Variants in SYNE2 observed in about 807,000 individuals in gnomAD.
The protein encoded by SYNE2 is nesprin-2.
SYNE2 carries 431 observed loss-of-function variants against 856.3 expected under a neutral mutation model. The observed-to-expected ratio is 0.50, with a 90% CI of 0.47 to 0.55. The LOEUF is 0.55. Among genes scored for constraint, SYNE2 ranks in the 20% least tolerant of loss-of-function variants. SYNE2 has a pLI of 0.00. For missense variants in SYNE2, 8,129 were observed against 8,023.2 expected (o/e 1.01, Z -0.50); for synonymous variants, 2,923 against 2,872.3 (o/e 1.02, Z -0.56).
chr14:64,077,380 G>A (rs1456244759), intron 54 of SYNE2, among the ~76,000 whole-genome samples: 1 of 32,188 alleles, frequency 3.1e-5, no homozygotes, highest in Non-Finnish European at 7.1e-5. Flanking sequence ...TGGAACCAAA[G>A]TGGGATTTTT....
intron 11 of SYNE2, among the ~76,000 whole-genome samples, chr14:63,976,121 T>C (rs1384281981): frequency 6.6e-6 from 1 of 152,150 alleles, no homozygotes; most frequent in Non-Finnish European, 1.5e-5. Context: ...ATGGTAGAGA[T>C]ATGTCATGTG....
chr14:63,918,948 C>T (rs1000923727), intron 2 of SYNE2, among the ~76,000 whole-genome samples: 29 of 152,190 alleles, frequency 1.9e-4, no homozygotes, highest in African/African-American at 6.5e-4. Context: ...TGCTGTATAT[C>T]TCCGTCTGCC....
rs768422375 is a variant in SYNE2, at chr14:64,224,998, G to C, written c.20470-1G>C. 1 of 1,613,524 alleles carries C rather than the reference G, an allele frequency of 6.2e-7. No individual in the cohort carries two copies. The highest frequency in any genetic ancestry group is 8.5e-7 in the Non-Finnish European group (1 of 1,179,932). On this transcript the variant is annotated splice_acceptor_variant, in intron 114 of 115. Transcript: ENST00000555002. LOFTEE classifies it high-confidence loss of function. ...CTAACTGGAGTTTCTTTACCCAGCA[G>C]TTCAGAGCAGTGAGAACTACAGAAG... is the stretch of plus-strand genomic sequence containing the variant.
chr14:64,100,531 A>AAAAATATATATATAT (rs1491537041), intron 63 of SYNE2, among the ~76,000 whole-genome samples: 2 of 39,496 alleles, frequency 5.1e-5, no homozygotes, highest in Non-Finnish European at 9.3e-5. Context: ...AAAAAAAAAA[A>AAAAATATATATATAT]ATATATATAT....
intron 65 of SYNE2, 91 bp downstream of exon 65, chr14:64,107,698 C>G: frequency 2.0e-6 from 2 of 1,010,528 alleles, no homozygotes; most frequent in Non-Finnish European, 3.2e-6. Flanking sequence ...ATACCTTGTA[C>G]GTCAAGCTAA....
At chr14:64,024,572 A>C (rs2096962977) in intron 39 of SYNE2, 113 bp downstream of exon 39, 2 of 1,038,862 alleles carry the variant, frequency 1.9e-6, no homozygotes, top group South Asian at 2.8e-5. Context: ...TTTCACACAC[A>C]AAAGGCGTAC....
intron 1 of SYNE2, among the ~76,000 whole-genome samples, chr14:63,825,384 T>C (rs1001747684): frequency 1.3e-5 from 2 of 152,068 alleles, no homozygotes; most frequent in African/African-American, 4.8e-5. Flanking sequence ...CCAAAACTAA[T>C]GTGTTTACCA....
In SYNE2 at chr14:64,090,885, G is replaced by A. The variant is rs753878618; in HGVS notation, c.11813G>A (p.Arg3938His). The part of the protein sequence containing the change: ...KHGEVILENI[R>H]PMKKTIAEIV... ...ATTAAGGTCATACTTGAAAATATAC[G>A]TCCCATGAAGAAAACCATTGCTGAG... Residue 3938 changes from arginine (R) to histidine (H), a missense_variant, in exon 60 of 116, where the codon CGT becomes CAT. Arg to His is a conservative substitution (Grantham distance 29). Coordinates refer to ENST00000555002, the MANE Select transcript of SYNE2 (RefSeq NM_182914.3). 14 of 1,613,776 alleles carry A rather than the reference G, an allele frequency of 8.7e-6. No homozygotes were observed. The highest frequency in any genetic ancestry group is 3.3e-5 in the Admixed American group (2 of 59,974).
At chr14:64,018,206 G>T (rs1333738131) in intron 34 of SYNE2, among the ~76,000 whole-genome samples, 1 of 152,102 alleles carries the variant, frequency 6.6e-6, no homozygotes, top group Non-Finnish European at 1.5e-5. Context: ...TTGCTCCCGG[G>T]TAGCAATACA....
intron 1 of SYNE2, among the ~76,000 whole-genome samples, chr14:63,763,536 CCT>C (rs1886569064): frequency 6.6e-6 from 1 of 151,664 alleles, no homozygotes; most frequent in Non-Finnish European, 1.5e-5. Context: ...ATGGCGAGAC[CCT>C]GTCTCTATAA....
chr14:64,127,356 C>T (rs1285920240), intron 73 of SYNE2, among the ~76,000 whole-genome samples: 1 of 151,972 alleles, frequency 6.6e-6, no homozygotes, highest in Admixed American at 6.6e-5. Flanking sequence ...AGGTGGATTG[C>T]TTGAGCCCAG....
chr14:63,870,226 C>T, intron 1 of SYNE2, among the ~76,000 whole-genome samples: 1 of 152,106 alleles, frequency 6.6e-6, no homozygotes, highest in African/African-American at 2.4e-5. Flanking sequence ...ATCTACTCTC[C>T]TCCACTCTCC....
At chr14:64,093,519 C>T (rs527500906) in intron 61 of SYNE2, 39 bp downstream of exon 61, 1 of 1,612,948 alleles carries the variant, frequency 6.2e-7, no homozygotes, top group African/African-American at 1.3e-5. Context: ...TTTCATTTGT[C>T]CATCAGTGCA....
At chr14:63,938,195 G>A (rs778824821) in intron 2 of SYNE2, among the ~76,000 whole-genome samples, 32 of 152,282 alleles carry the variant, frequency 2.1e-4, no homozygotes, top group Middle Eastern at 6.8e-3. Flanking sequence ...GATGGCTCAC[G>A]CCTGTAATCC....
chr14:64,112,987 G>C (rs752397909), intron 65 of SYNE2: 1 of 984,974 alleles, frequency 1.0e-6, no homozygotes. Context: ...CATGTGTCAC[G>C]TAACGCTAAA....
chr14:64,136,565 G>C (rs2098091605), intron 78 of SYNE2, among the ~76,000 whole-genome samples: 1 of 152,106 alleles, frequency 6.6e-6, no homozygotes, highest in Admixed American at 6.6e-5. Context: ...GATTAAACAG[G>C]TGTCAGGATA....
At chr14:63,970,790 T>A (rs2096465071) in intron 11 of SYNE2, among the ~76,000 whole-genome samples, 1 of 151,350 alleles carries the variant, frequency 6.6e-6, no homozygotes, top group South Asian at 2.1e-4. Flanking sequence ...GTAGCTGGGA[T>A]TATAGGCATC....
chr14:63,852,826 G>T (rs1043610943), upstream of SYNE2, among the ~76,000 whole-genome samples: 1 of 152,066 alleles, frequency 6.6e-6, no homozygotes, highest in South Asian at 2.1e-4. Context: ...CCCAAAAGAC[G>T]GGGAGAAAGT....
chr14:64,166,061 G>A (rs751103999), intron 90 of SYNE2, among the ~76,000 whole-genome samples: 8 of 151,938 alleles, frequency 5.3e-5, no homozygotes, highest in Non-Finnish European at 8.8e-5. Context: ...CTTTACCTTC[G>A]TAAGTTTAGT....
Sources: gnomAD v4.1 joint callset for allele counts (sites outside exome capture counted in the v4.1 genomes callset) on GRCh38, gnomAD v4.1.1 for gene constraint, MANE v1.5 for transcripts, NCBI Gene and HGNC (gene_info 2026-07-23, HGNC 2026-07-21) for gene names.